The following LIN7A variants were observed in gnomAD, a reference collection of about 807,000 sequenced individuals.
The protein encoded by LIN7A is protein lin-7 homolog A.
Under a neutral mutation model 29.8 loss-of-function variants are expected in LIN7A, and 25 were observed. The ratio of observed to expected loss-of-function variants is 0.84; its 90% CI spans 0.61 to 1.17. The LOEUF (loss-of-function observed/expected upper bound fraction) is 1.17. LIN7A is among the 50% of genes most tolerant of loss of function. LIN7A has a pLI of 0.00. For missense variants in LIN7A, 239 were observed against 287.0 expected (o/e 0.83, Z 1.21); for synonymous variants, 118 against 107.5 (o/e 1.10, Z -0.60).
At chr12:80,885,267 G>A (rs1875267779) in intron 2 of LIN7A, among the ~76,000 whole-genome samples, 1 of 151,978 alleles carries the variant, frequency 6.6e-6, no homozygotes, top group Non-Finnish European at 1.5e-5. Flanking sequence ...ATAAGTTTAG[G>A]CTAATCTAGC....
chr12:80,811,454 T>G lies in LIN7A; in HGVS notation c.*11A>C. 1 of 1,050,844 alleles carries G rather than the reference T, an allele frequency of 9.5e-7. No individual in the cohort carries two copies. Among genetic ancestry groups the G allele is most frequent in the Non-Finnish European group, 1.5e-6 (1 of 688,516 alleles). The allele number at this position is 1,050,844 out of a possible 1,614,324, so 65.1% of individuals were successfully genotyped here. On this transcript the variant is annotated intron_variant, in intron 5 of 5. Transcript: ENST00000552864. ...ATATATACTCCTTGTATAGAATAAG[T>G]CACTTCTCACCTATGACATGTGGTT...
intron 1 of LIN7A, among the ~76,000 whole-genome samples, chr12:80,923,035 G>A (rs992633188): frequency 6.6e-6 from 1 of 152,174 alleles, no homozygotes; most frequent in South Asian, 2.1e-4. Flanking sequence ...GTTTCTGGAA[G>A]AGACTGGAAT....
intron 2 of LIN7A, among the ~76,000 whole-genome samples, chr12:80,888,296 GAGA>G (rs1875438318): frequency 6.6e-6 from 1 of 152,150 alleles, no homozygotes; most frequent in Admixed American, 6.6e-5. Flanking sequence ...AATCTGTAGT[GAGA>G]AGTTTTGTAT....
chr12:80,863,348 T>C (rs1368673232), intron 2 of LIN7A, among the ~76,000 whole-genome samples: 1 of 152,216 alleles, frequency 6.6e-6, no homozygotes, highest in Non-Finnish European at 1.5e-5. Flanking sequence ...ATACTTTGTT[T>C]ATAGAGGTAG....
At chr12:80,890,727 C>T (rs1262361481) in intron 1 of LIN7A, among the ~76,000 whole-genome samples, 3 of 152,062 alleles carry the variant, frequency 2.0e-5, no homozygotes, top group Non-Finnish European at 4.4e-5. Context: ...AGTACATAAA[C>T]AGGAAGTCTA....
intron 1 of LIN7A, among the ~76,000 whole-genome samples, chr12:80,926,322 T>A (rs1309612245): frequency 6.6e-6 from 1 of 152,200 alleles, no homozygotes; most frequent in Non-Finnish European, 1.5e-5. Context: ...TTTTAGCTTT[T>A]TTTGTTCCTA....
intron 4 of LIN7A, among the ~76,000 whole-genome samples, chr12:80,831,619 T>C (rs777347162): frequency 6.6e-6 from 1 of 152,160 alleles, no homozygotes; most frequent in Non-Finnish European, 1.5e-5. Context: ...CCAATACAAC[T>C]GAAGGAAAAT....
At chr12:80,863,310 T>C (rs1372173848) in intron 2 of LIN7A, among the ~76,000 whole-genome samples, 1 of 152,236 alleles carries the variant, frequency 6.6e-6, no homozygotes, top group Non-Finnish European at 1.5e-5. Context: ...ATAATTGATA[T>C]AGAGGCAGTA....
intron 2 of LIN7A, among the ~76,000 whole-genome samples, chr12:80,870,832 T>C (rs1225617337): frequency 6.6e-6 from 1 of 152,166 alleles, no homozygotes; most frequent in Admixed American, 6.5e-5. Context: ...GGGAAAGATA[T>C]TTTGTTGTAC....
chr12:80,889,511 T>C (rs895369623), intron 1 of LIN7A, 142 bp from the exon 2 acceptor site: 2 of 604,208 alleles, frequency 3.3e-6, no homozygotes, highest in Admixed American at 3.1e-5. Context: ...TCATAGCTTT[T>C]TGGTCTCATC....
intron 4 of LIN7A, among the ~76,000 whole-genome samples, chr12:80,831,613 T>C (rs1487108353): frequency 6.6e-6 from 1 of 152,182 alleles, no homozygotes; most frequent in Non-Finnish European, 1.5e-5. Context: ...TTATATCCAA[T>C]ACAACTGAAG....
chr12:80,818,647 A>C (rs1871649078), intron 4 of LIN7A, among the ~76,000 whole-genome samples: 1 of 152,206 alleles, frequency 6.6e-6, no homozygotes, highest in Non-Finnish European at 1.5e-5. Context: ...ATAGTAGTCA[A>C]CTGAAGAACT....
chr12:80,914,457 C>A (rs1467377442), intron 1 of LIN7A, among the ~76,000 whole-genome samples: 1 of 152,148 alleles, frequency 6.6e-6, no homozygotes, highest in African/African-American at 2.4e-5. Context: ...ATCCCGCAAC[C>A]AATTTTCACA....
intron 2 of LIN7A, among the ~76,000 whole-genome samples, chr12:80,866,358 G>T (rs766983179): frequency 6.6e-6 from 1 of 152,118 alleles, no homozygotes; most frequent in Non-Finnish European, 1.5e-5. Context: ...TGAAAACTAT[G>T]AAAGCATTTT....
intron 5 of LIN7A, among the ~76,000 whole-genome samples, chr12:80,808,507 CTTTT>C (rs200750392): frequency 7.3e-6 from 1 of 137,408 alleles, no homozygotes. Flanking sequence ...TTTCTTTTTT[CTTTT>C]TTTTTTTTTT....
intron 2 of LIN7A, among the ~76,000 whole-genome samples, chr12:80,876,079 AC>A (rs1193848647): frequency 5.2e-5 from 5 of 97,054 alleles, no homozygotes; most frequent in Non-Finnish European, 1.5e-4. Flanking sequence ...ACACACACAC[AC>A]AGAGAGAGAG....
intron 4 of LIN7A, among the ~76,000 whole-genome samples, chr12:80,836,775 G>A (rs868243961): frequency 2.7e-4 from 41 of 151,866 alleles, no homozygotes; most frequent in South Asian, 6.2e-4. Flanking sequence ...GTTTAATTAT[G>A]AGGCCATGTT....
Position 80,928,594 on chromosome 12 carries a change from C to T in LIN7A, c.82+9047G>A, listed in dbSNP as rs369055034. The stretch of plus-strand genomic sequence containing the variant: ...TTCTTTGTAGATTCTGGATATTAGT[C>T]TTTTGTCAGATGGGTAGATTGCAAA... On this transcript the variant is annotated intron_variant, in intron 1 of 5. Transcript: ENST00000552864. Among the ~76,000 whole-genome samples the T allele has an allele frequency of 2.0e-4, 31 of 152,102 alleles. No individual in the cohort carries two copies. The East Asian group carries it at 5.8e-3, about 28-fold the overall frequency.
intron 4 of LIN7A, among the ~76,000 whole-genome samples, chr12:80,820,011 C>T (rs1047344381): frequency 6.6e-6 from 1 of 152,158 alleles, no homozygotes; most frequent in Non-Finnish European, 1.5e-5. Flanking sequence ...ATGTTTAAAA[C>T]TATCTAGGTG....
Sources: gnomAD v4.1 joint callset for allele counts (sites outside exome capture counted in the v4.1 genomes callset) on GRCh38, gnomAD v4.1.1 for gene constraint, MANE v1.5 for transcripts, NCBI Gene and HGNC (gene_info 2026-07-23, HGNC 2026-07-21) for gene names.